The following TMEM132D variants were observed in gnomAD, a reference collection of about 807,000 sequenced individuals.
TMEM132D encodes the protein mature OL transmembrane protein.
Under a neutral mutation model 62.3 loss-of-function variants are expected in TMEM132D, and 21 were observed. The observed-to-expected ratio is 0.34, with a 90% CI of 0.24 to 0.49. The LOEUF (loss-of-function observed/expected upper bound fraction) is 0.49. TMEM132D is among the 20% of genes least tolerant of loss of function. TMEM132D has a pLI of 0.99. For missense variants in TMEM132D, 1,346 were observed against 1,402.8 expected (o/e 0.96, Z 0.65); for synonymous variants, 621 against 575.6 (o/e 1.08, Z -1.13).
At chr12:129,292,808 G>C (rs146119359) in intron 4 of TMEM132D, among the ~76,000 whole-genome samples, 44 of 152,270 alleles carry the variant, frequency 2.9e-4, no homozygotes, top group African/African-American at 1.0e-3. Flanking sequence ...AAAAAGGAGA[G>C]AAAGACCTTT....
In TMEM132D at chr12:129,689,936, A is replaced by C. The variant is rs563694960; in HGVS notation, c.968+9874T>G. Among the ~76,000 whole-genome samples, 19 of 152,300 alleles carry C rather than the reference A, an allele frequency of 1.2e-4. No individual in the cohort carries two copies. In the South Asian group the frequency reaches 3.9e-3, roughly 32 times the overall value. On this transcript the variant is annotated intron_variant, in intron 2 of 8. Coordinates refer to ENST00000422113, the MANE Select transcript of TMEM132D (RefSeq NM_133448.3). ...AACTGAGGTTGTAGGACAAAGCGCC[A>C]CTCCCAAATGTGGAGAGACAGATAC...
chr12:129,611,576 G>C (rs1459350463), intron 2 of TMEM132D, among the ~76,000 whole-genome samples: 2 of 152,168 alleles, frequency 1.3e-5, no homozygotes, highest in Non-Finnish European at 2.9e-5. Flanking sequence ...AATGGACGTT[G>C]ACTGGGGCTC....
chr12:129,126,648 T>C (rs538147036), intron 5 of TMEM132D, among the ~76,000 whole-genome samples: 7 of 152,244 alleles, frequency 4.6e-5, no homozygotes, highest in East Asian at 3.9e-4. Flanking sequence ...TACATACGCG[T>C]TTGGCAGGGG....
intron 1 of TMEM132D, among the ~76,000 whole-genome samples, chr12:129,801,048 C>A (rs563583859): frequency 3.7e-4 from 57 of 152,332 alleles, no homozygotes; most frequent in Admixed American, 6.5e-4. Context: ...TATCCCGCAC[C>A]TGGCTCGGAG....
intron 3 of TMEM132D, among the ~76,000 whole-genome samples, chr12:129,440,676 AC>A: frequency 6.6e-6 from 1 of 152,332 alleles, no homozygotes; most frequent in South Asian, 2.1e-4. Context: ...CCAGGCAGAC[AC>A]AAGATGCCTG....
chr12:129,536,698 T>C (rs1876399829), intron 2 of TMEM132D, among the ~76,000 whole-genome samples: 1 of 152,210 alleles, frequency 6.6e-6, no homozygotes, highest in Non-Finnish European at 1.5e-5. Context: ...ACTAGGTCCC[T>C]CTTTCTATTA....
At chr12:129,435,936 A>T (rs11060345) in intron 3 of TMEM132D, among the ~76,000 whole-genome samples, 50,504 of 152,064 alleles carry the variant, frequency 0.33, 10,426 homozygotes, top group Non-Finnish European at 0.48. Flanking sequence ...GTAGCTAGGA[A>T]CAATTGTGAT....
chr12:129,267,413 A>G (rs1566016873), intron 4 of TMEM132D, among the ~76,000 whole-genome samples: 1 of 152,318 alleles, frequency 6.6e-6, no homozygotes, highest in South Asian at 2.1e-4. Context: ...GAGCCAAATC[A>G]TGAATGAACT....
At chr12:129,300,232 C>T (rs1881678363) in intron 4 of TMEM132D, among the ~76,000 whole-genome samples, 1 of 152,172 alleles carries the variant, frequency 6.6e-6, no homozygotes, top group Non-Finnish European at 1.5e-5. Context: ...TCAAGGCCGA[C>T]CAACACTCAG....
At chr12:129,776,731 A>G in intron 1 of TMEM132D, among the ~76,000 whole-genome samples, 1 of 151,664 alleles carries the variant, frequency 6.6e-6, no homozygotes. Flanking sequence ...TTAACTAGGA[A>G]AGAAATAGTG....
chr12:129,517,238 A>G (rs917174848), intron 3 of TMEM132D, among the ~76,000 whole-genome samples: 5 of 152,180 alleles, frequency 3.3e-5, no homozygotes, highest in African/African-American at 1.2e-4. Flanking sequence ...CAGCTTCAAG[A>G]TCCATCAAAT....
intron 1 of TMEM132D, among the ~76,000 whole-genome samples, chr12:129,715,427 G>GA (rs1868535774): frequency 6.6e-6 from 1 of 152,174 alleles, no homozygotes; most frequent in African/African-American, 2.4e-5. Flanking sequence ...GAGAATGAAG[G>GA]AAAAATCTGT....
At chr12:129,114,153 T>C (rs1875812437) in intron 5 of TMEM132D, among the ~76,000 whole-genome samples, 1 of 152,192 alleles carries the variant, frequency 6.6e-6, no homozygotes, top group Admixed American at 6.5e-5. Flanking sequence ...TCACCCAGCA[T>C]TGCATACACT....
intron 2 of TMEM132D, among the ~76,000 whole-genome samples, chr12:129,541,801 T>C (rs560629356): frequency 2.0e-5 from 3 of 152,328 alleles, no homozygotes; most frequent in South Asian, 2.1e-4. Context: ...ACACGGTGTC[T>C]GGTAGAAAAT....
intron 1 of TMEM132D, among the ~76,000 whole-genome samples, chr12:129,788,747 C>A (rs1047107797): frequency 6.6e-6 from 1 of 152,126 alleles, no homozygotes; most frequent in African/African-American, 2.4e-5. Context: ...AGGAACAAGA[C>A]ACTGGTCTCT....
At chr12:129,619,068 T>C (rs1878994413) in intron 2 of TMEM132D, among the ~76,000 whole-genome samples, 1 of 152,192 alleles carries the variant, frequency 6.6e-6, no homozygotes, top group Non-Finnish European at 1.5e-5. Flanking sequence ...AGCCTCCAAA[T>C]AGCAGGCTTT....
rs369691437 is a variant in TMEM132D, at chr12:129,688,467, G to A, written c.968+11343C>T. On this transcript the variant is annotated intron_variant, in intron 2 of 8. Transcript: ENST00000422113. ...TGCTATTGAAAACAACTACCTCAGT[G>A]CATCTCAGTTCCTGAGCTCCTCTCA... 8.5e-5 allele frequency among the ~76,000 whole-genome samples: 13 copies of A among 152,206 alleles called. No individual in the cohort carries two copies. The East Asian group carries it at 9.7e-4, about 11-fold the overall frequency.
At chr12:129,320,555 C>T (rs867451924) in intron 4 of TMEM132D, among the ~76,000 whole-genome samples, 1 of 152,272 alleles carries the variant, frequency 6.6e-6, no homozygotes, top group Middle Eastern at 3.4e-3. Context: ...AGGGGTTAGA[C>T]CACGTAGGCT....
intron 3 of TMEM132D, among the ~76,000 whole-genome samples, chr12:129,395,947 TATAAA>T (rs1262806757): frequency 4.9e-5 from 7 of 143,952 alleles, no homozygotes; most frequent in South Asian, 2.1e-4. Context: ...TATAATGTAT[TATAAA>T]ATAATATATA....
Sources: allele counts gnomAD v4.1 joint callset (sites outside exome capture counted in the v4.1 genomes callset), GRCh38; gene constraint gnomAD v4.1.1; transcripts MANE v1.5; gene names NCBI Gene and HGNC (gene_info 2026-07-23, HGNC 2026-07-21).